The following EP300 variants were observed in gnomAD, a reference collection of about 807,000 sequenced individuals.
The protein encoded by EP300 is histone acetyltransferase p300.
EP300 carries 31 observed loss-of-function variants against 264.0 expected under a neutral mutation model. That is an observed-to-expected ratio of 0.12 (90% confidence interval 0.09 to 0.16). The LOEUF (loss-of-function observed/expected upper bound fraction) is 0.16. EP300 is among the 10% of genes least tolerant of loss of function. The pLI, the probability that EP300 is intolerant of heterozygous loss-of-function variation, is 1.00. For synonymous variants in EP300, 1,340 were observed against 1,045.4 expected (o/e 1.28, Z -5.44); for missense variants, 2,766 against 3,052.9 (o/e 0.91, Z 2.21).
At chr22:41,171,069 A>G (rs960715341) in intron 27 of EP300, among the ~76,000 whole-genome samples, 1 of 151,360 alleles carries the variant, frequency 6.6e-6, no homozygotes, top group East Asian at 1.9e-4. Context: ...AAATTTTTCA[A>G]TATAAGAAAA....
rs760510686 is a variant in EP300 at position 41,164,045 on chromosome 22, T to C, written c.3729-8T>C. ...GGGTTAATTTTGGAATTGGCTCTGCTCTTCCAGGTTTGTTGAATGTACAGA... is the reference window on the plus strand; with the variant it reads ...GGGTTAATTTTGGAATTGGCTCTGCCCTTCCAGGTTTGTTGAATGTACAGA... On this transcript the variant is annotated splice_polypyrimidine_tract_variant and splice_region_variant and intron_variant, in intron 21 of 30. Transcript: ENST00000263253. 6 of 1,613,818 alleles carry C rather than the reference T, an allele frequency of 3.7e-6. No homozygotes were observed. The African/African-American group carries it at 5.3e-5, about 14-fold the overall frequency.
At chr22:41,131,817 T>G (rs1016042045) in intron 6 of EP300, among the ~76,000 whole-genome samples, 184 bp downstream of exon 6, 1 of 152,188 alleles carries the variant, frequency 6.6e-6, no homozygotes, top group African/African-American at 2.4e-5. Context: ...CTGGTTTGTA[T>G]CTTCCTTGAT....
chr22:41,156,396 A>T (rs2059077519), intron 17 of EP300, among the ~76,000 whole-genome samples: 1 of 151,478 alleles, frequency 6.6e-6, no homozygotes, highest in South Asian at 2.1e-4. Flanking sequence ...TCCATATACT[A>T]GGCTGCTGGC....
intron 17 of EP300, among the ~76,000 whole-genome samples, chr22:41,156,448 C>T (rs964444012): frequency 2.0e-4 from 31 of 152,098 alleles, no homozygotes; most frequent in African/African-American, 5.3e-4. Context: ...TGGCCGGGCA[C>T]GGTGGCTAAC....
intron 3 of EP300, 107 bp downstream of exon 3, chr22:41,126,147 G>A (rs1252570490): frequency 1.7e-6 from 2 of 1,169,236 alleles, no homozygotes; most frequent in African/African-American, 3.0e-5. Context: ...GTACCCACTA[G>A]GAGCCTAAAT....
At chr22:41,095,713 T>C (rs529778394) in intron 1 of EP300, among the ~76,000 whole-genome samples, 2 of 152,308 alleles carry the variant, frequency 1.3e-5, no homozygotes, top group South Asian at 4.1e-4. Context: ...CTTGATATTA[T>C]GGTTTTTGTC....
intron 1 of EP300, among the ~76,000 whole-genome samples, chr22:41,101,414 CTT>C (rs72279139): frequency 8.6e-5 from 12 of 139,104 alleles, no homozygotes; most frequent in Non-Finnish European, 1.2e-4. Flanking sequence ...TTACATGGAT[CTT>C]TTTTTTTTTT....
chr22:41,160,453 C>CA (rs927419939), intron 19 of EP300, 189 bp from the exon 20 acceptor site: 1 of 423,368 alleles, frequency 2.4e-6, no homozygotes, highest in Non-Finnish European at 4.3e-6. Flanking sequence ...AAAAAACAAA[C>CA]AAAAAAACCA....
rs764511770 is a variant in EP300 at position 41,117,807 on chromosome 22, C to G, written c.715C>G (p.Pro239Ala). ...GGGAGGACAAACAGGATTGAGAGGC[C>G]CCCAGCCTCTTAAGGTAAGTACAGT... ...QMGGQTGLRG[P>A]QPLKMGMMNN... is the part of the protein sequence containing the mutation. The change falls in exon 2 of 31, where the codon CCC (proline) becomes GCC (alanine). Residue 239 changes from proline (P) to alanine (A), a missense_variant. Transcript: ENST00000263253. 7.4e-6 allele frequency: 12 copies of G among 1,613,892 alleles called. No homozygotes were observed. Among genetic ancestry groups the G allele is most frequent in the Non-Finnish European group, 1.0e-5 (12 of 1,180,030 alleles).
At chr22:41,129,683 CTG>C (rs978097414) in intron 4 of EP300, among the ~76,000 whole-genome samples, 4 of 152,170 alleles carry the variant, frequency 2.6e-5, no homozygotes, top group Non-Finnish European at 4.4e-5. Context: ...TTTGAGTACT[CTG>C]TGACTTTGTG....
chr22:41,106,591 A>G (rs1002200050), intron 1 of EP300, among the ~76,000 whole-genome samples: 1 of 152,176 alleles, frequency 6.6e-6, no homozygotes, highest in African/African-American at 2.4e-5. Flanking sequence ...TAGATGAAAG[A>G]AAAGTTTGAC....
chr22:41,106,287 T>G (rs2058757685), intron 1 of EP300, among the ~76,000 whole-genome samples: 1 of 152,260 alleles, frequency 6.6e-6, no homozygotes, highest in Admixed American at 6.5e-5. Flanking sequence ...TTTGTAAGAT[T>G]GGTAGTTTCA....
At chr22:41,170,703 G>T in intron 27 of EP300, 132 bp downstream of exon 27, 1 of 965,514 alleles carries the variant, frequency 1.0e-6, no homozygotes, top group South Asian at 1.6e-5. Context: ...GCTCTGTCAC[G>T]CAGGCTGGAG....
chr22:41,105,789 G>A (rs1198589404), intron 1 of EP300, among the ~76,000 whole-genome samples: 1 of 152,210 alleles, frequency 6.6e-6, no homozygotes, highest in Non-Finnish European at 1.5e-5. Context: ...CATGTGAAGA[G>A]TACATATTTT....
intron 4 of EP300, 79 bp from the exon 5 acceptor site, chr22:41,129,801 ATGTTACTTAT>A (rs2058906442): frequency 2.2e-6 from 2 of 927,410 alleles, no homozygotes; most frequent in Admixed American, 3.8e-5. Context: ...TAATGCATTT[ATGTTACTTAT>A]TAAGTGGTCA....
At chr22:41,115,204 G>A (rs2058814233) in intron 1 of EP300, among the ~76,000 whole-genome samples, 1 of 152,198 alleles carries the variant, frequency 6.6e-6, no homozygotes, top group East Asian at 1.9e-4. Flanking sequence ...TCAATCAGGA[G>A]TAATTTTCTT....
intron 19 of EP300, chr22:41,160,279 G>A: frequency 3.3e-6 from 1 of 302,280 alleles, no homozygotes; most frequent in Non-Finnish European, 6.4e-6. Flanking sequence ...GCTAATCTGT[G>A]CTTTGCCTTG....
intron 8 of EP300, among the ~76,000 whole-genome samples, chr22:41,138,352 C>T (rs9611503): frequency 0.25 from 37,839 of 151,946 alleles, 5,560 homozygotes; most frequent in Admixed American, 0.43. Context: ...TTAGTAGAGA[C>T]GGGGTTTCAC....
At chr22:41,131,776 CT>C in intron 6 of EP300, 143 bp downstream of exon 6, 2 of 1,223,560 alleles carry the variant, frequency 1.6e-6, no homozygotes, top group South Asian at 2.7e-5. Context: ...TAAAAGGTCC[CT>C]TACAGTTCAT....
Sources: gnomAD v4.1 joint callset for allele counts (sites outside exome capture counted in the v4.1 genomes callset) on GRCh38, gnomAD v4.1.1 for gene constraint, MANE v1.5 for transcripts, NCBI Gene and HGNC (gene_info 2026-07-23, HGNC 2026-07-21) for gene names.